Variants in PLA2G4B observed in about 807,000 individuals in gnomAD.
PLA2G4B encodes the protein phospholipase A2 group IVB.
In PLA2G4B, 122 loss-of-function variants were observed where a neutral mutation model predicts 95.8. That is an observed-to-expected ratio of 1.27 (90% CI 1.10 to 1.48). The LOEUF (loss-of-function observed/expected upper bound fraction) is 1.48. Ranked by LOEUF, PLA2G4B falls within the 40% of genes most tolerant of loss-of-function variation. PLA2G4B has a pLI of 0.00. For synonymous variants in PLA2G4B, 518 were observed against 421.5 expected (o/e 1.23, Z -2.80); for missense variants, 1,158 against 996.2 (o/e 1.16, Z -2.19).
At chr15:41,844,802 G>T in intron 12 of PLA2G4B, 46 bp from the exon 13 acceptor site, 2 of 1,562,540 alleles carry the variant, frequency 1.3e-6, no homozygotes, top group Non-Finnish European at 1.7e-6. Context: ...GTCTAGACGG[G>T]GTCCTTCAGT....
chr15:41,839,201 C>T, intron 1 of PLA2G4B: 1 of 343,762 alleles, frequency 2.9e-6, no homozygotes, highest in Non-Finnish European at 5.4e-6. Context: ...AGCTGCCGCC[C>T]TGAGGCCCTG....
rs773108732 is a variant in PLA2G4B, at chr15:41,844,525, C to G, written c.934C>G (p.Leu312Val). Residue 312 changes from leucine to valine, a missense_variant, in exon 12 of 20, where the codon CTG (leucine) becomes GTG (valine). Coordinates refer to ENST00000458483, the MANE Select transcript of PLA2G4B (RefSeq NM_001114633.2). ...TGGGIRAMTSLYGQLAGLKEL... is the reference protein window; with the variant it reads ...TGGGIRAMTSVYGQLAGLKEL... ...TGGTGGGATCCGGGCAATGACTTCC[C>G]TGTATGGGCAGCTGGCTGGCCTGAA... 5.0e-6 allele frequency: 8 copies of G among 1,614,048 alleles called. No homozygotes were observed. The South Asian group carries it at 7.7e-5, about 16-fold the overall frequency.
intron 1 of PLA2G4B, 151 bp from the exon 2 acceptor site, chr15:41,840,007 C>T: frequency 1.2e-6 from 1 of 860,882 alleles, no homozygotes; most frequent in Non-Finnish European, 1.7e-6. Flanking sequence ...GATATCATGT[C>T]TCCTCTTGTT....
In PLA2G4B at chr15:41,840,874, T is replaced by C. The variant is rs1567169071; in HGVS notation, c.320T>C (p.Phe107Ser). 5 of 1,613,754 alleles carry C rather than the reference T, an allele frequency of 3.1e-6. No homozygotes were observed. The highest frequency in any genetic ancestry group is 4.2e-6 in the Non-Finnish European group (5 of 1,179,760). ...FDAGTLRAGE[F>S]RRESFSLSPQ... ...GCGGGGACTCTGCGGGCTGGGGAGTTCCGGCGCGAGAGCTTCTCACTGAGC... is the reference window on the plus strand; with the variant it reads ...GCGGGGACTCTGCGGGCTGGGGAGTCCCGGCGCGAGAGCTTCTCACTGAGC... Residue 107 changes from phenylalanine (F) to serine (S), a missense_variant, in exon 4 of 20, where the codon TTC becomes TCC. Physicochemically the swap from Phe to Ser is radical, Grantham distance 155. Transcript: ENST00000458483.
At position 41,847,444 on chromosome 15, in the gene PLA2G4B, C is replaced by T. The variant is rs883329; in HGVS notation, c.2055C>T (p.Ser685=). The change falls in exon 19 of 20, where the codon TCC becomes TCT. Residue 685 remains serine (S), a synonymous_variant. Transcript: ENST00000458483. The part of the protein sequence containing the change: ...QLQPRECHTF[S]DPTCPGAPAV... ...AGCCTCGGGAGTGCCACACCTTCTC[C>T]GACCCCACCTGCCCCGGAGCCCCTG... The T allele has an allele frequency of 0.16, 253,769 of 1,613,210 alleles. 27,271 individuals are homozygous for T. The highest frequency in any genetic ancestry group is 0.68 in the East Asian group (30,538 of 44,850).
At position 41,840,244 on chromosome 15, in the gene PLA2G4B, G is replaced by C. The variant is rs201446325; in HGVS notation, c.82+14G>C. ...CTAAGGACCTAGGTGAGTGCGCACC[G>C]CCCTGGCCCCTGTGCTGGGCTGAGG... is the stretch of plus-strand genomic sequence containing the variant. On this transcript the variant is annotated intron_variant, in intron 2 of 19. Coordinates refer to ENST00000458483, the MANE Select transcript of PLA2G4B (RefSeq NM_001114633.2). 6.2e-7 allele frequency: 1 copy of C among 1,612,370 alleles called. No individual in the cohort carries two copies. The highest frequency in any genetic ancestry group is 2.2e-5 in the East Asian group (1 of 44,880).
At chr15:41,842,464 CG>C (rs1366301433) in intron 9 of PLA2G4B, 89 bp from the exon 10 acceptor site, 3 of 1,545,712 alleles carry the variant, frequency 1.9e-6, no homozygotes, top group East Asian at 2.4e-5. Context: ...GGTGGCGGGG[CG>C]GGGGTGGTGC....
chr15:41,841,606 C>T (rs1487509451), intron 7 of PLA2G4B, 35 bp downstream of exon 7: 2 of 1,613,694 alleles, frequency 1.2e-6, no homozygotes, highest in Non-Finnish European at 8.5e-7. Flanking sequence ...GCCCCTGGCT[C>T]TCAGCTCTTG....
In PLA2G4B at chr15:41,844,607, G is replaced by A; in HGVS notation, c.1016G>A (p.Trp339Ter). Residue 339 changes from tryptophan to a stop codon, truncating the protein, a stop_gained and splice_region_variant, in exon 12 of 20, where the codon TGG (tryptophan) becomes TAG (stop). Transcript: ENST00000458483. LOFTEE classifies it high-confidence loss of function. Reference sequence around the variant, plus strand: ...ATCACCGGGGCCTCGGGCTCCACCTGGTGAGCTGGGGGCAGGCTGATGCTG... The same window carrying A: ...ATCACCGGGGCCTCGGGCTCCACCTAGTGAGCTGGGGGCAGGCTGATGCTG... ...SYITGASGSTWALANLYEDPE... is the reference protein window; with the variant it reads ...SYITGASGST 8 of 1,614,158 alleles carry A rather than the reference G, an allele frequency of 5.0e-6. No homozygotes were observed. Among genetic ancestry groups the A allele is most frequent in the Non-Finnish European group, 5.9e-6 (7 of 1,180,036 alleles).
intron 14 of PLA2G4B, 118 bp from the exon 15 acceptor site, chr15:41,845,520 G>T: frequency 3.3e-6 from 5 of 1,512,938 alleles, no homozygotes; most frequent in Non-Finnish European, 4.4e-6. Flanking sequence ...CGAAGCCCAG[G>T]CCACAAGGCC....
In PLA2G4B at chr15:41,840,711, C is replaced by T. The variant is rs747048110; in HGVS notation, c.219+51C>T. 31 of 1,605,912 alleles carry T rather than the reference C, an allele frequency of 1.9e-5. No homozygotes were observed. In the East Asian group the frequency reaches 2.5e-4, roughly 13 times the overall value. ...TACCCACATCCTCGCCAGCCACTGC[C>T]GCTGCCCTGCTCACCTTTCTGTCCC... On this transcript the variant is annotated intron_variant, in intron 3 of 19. Transcript: ENST00000458483.
Position 41,838,865 on chromosome 15 carries a change from G to C in PLA2G4B, c.-49G>C, listed in dbSNP as rs1005879544. ...CTGGGTTAGAAAGCTGACAGTCCTT[G>C]ATCCTGTGGCCACTGCCCCATCATT... is the stretch of plus-strand genomic sequence containing the variant. On this transcript the variant is annotated 5_prime_UTR_variant, in exon 1 of 20. Coordinates refer to ENST00000458483, the MANE Select transcript of PLA2G4B (RefSeq NM_001114633.2). 1.9e-6 allele frequency: 3 copies of C among 1,575,164 alleles called. No homozygotes were observed. In the African/African-American group the frequency reaches 4.0e-5, roughly 21 times the overall value.
chr15:41,846,373 A>C lies in PLA2G4B; in HGVS notation c.1771A>C (p.Thr591Pro), dbSNP rs1459493495. ...KDYFQHPHFS[T>P]WKATTLDGLP... is the part of the protein sequence containing the mutation. ...CTACTTTCAGCATCCTCACTTCTCC[A>C]CATGGAAAGGTACCTGCTTCTCTCC... The change falls in exon 17 of 20, where the codon ACA becomes CCA. Residue 591 changes from threonine (T) to proline (P), a missense_variant. Physicochemically the swap from Thr to Pro is conservative, Grantham distance 38. Transcript: ENST00000458483. 1 of 1,604,934 alleles carries C rather than the reference A, an allele frequency of 6.2e-7. No individual in the cohort carries two copies. Among genetic ancestry groups the C allele is most frequent in the African/African-American group, 1.3e-5 (1 of 74,898 alleles).
Position 41,845,040 on chromosome 15 carries a change from C to A in PLA2G4B, c.1209C>A (p.Ala403=), listed in dbSNP as rs1342399341. ...GYPSCFTNLW[A]LINEALLHDE... ...CAAGCTGCTTCACCAACCTGTGGGC[C>A]CTCATCAACGAGGCGCTGCTGCATG... The change falls in exon 13 of 20, where the codon GCC becomes GCA. Residue 403 remains alanine, a synonymous_variant. Coordinates refer to ENST00000458483, the MANE Select transcript of PLA2G4B (RefSeq NM_001114633.2). The A allele has an allele frequency of 2.5e-6, 4 of 1,599,288 alleles. No homozygotes were observed. In the African/African-American group the frequency reaches 5.4e-5, roughly 21 times the overall value.
At position 41,844,546 on chromosome 15, in the gene PLA2G4B, C is replaced by T. The variant is rs761102637; in HGVS notation, c.955C>T (p.Leu319=). 8.1e-6 allele frequency: 13 copies of T among 1,614,092 alleles called. No individual in the cohort carries two copies. Among genetic ancestry groups the T allele is most frequent in the Admixed American group, 5.0e-5 (3 of 60,014 alleles). Reference sequence around the variant, plus strand: ...TTCCCTGTATGGGCAGCTGGCTGGCCTGAAGGAGCTGGGCCTCTTGGATTG... The same window carrying T: ...TTCCCTGTATGGGCAGCTGGCTGGCTTGAAGGAGCTGGGCCTCTTGGATTG... ...MTSLYGQLAG[L]KELGLLDCVS... is the part of the protein sequence containing the mutation. The change falls in exon 12 of 20, where the codon CTG becomes TTG. Residue 319 remains leucine, a synonymous_variant. Transcript: ENST00000458483.
At chr15:41,838,995 T>C (rs1567168009) in intron 1 of PLA2G4B, 73 bp downstream of exon 1, 1 of 1,274,004 alleles carries the variant, frequency 7.8e-7, no homozygotes, top group Non-Finnish European at 1.1e-6. Context: ...AATATGTTTC[T>C]TATGGGAGCT....
intron 14 of PLA2G4B, 146 bp from the exon 15 acceptor site, chr15:41,845,492 G>C: frequency 1.4e-6 from 2 of 1,468,912 alleles, no homozygotes; most frequent in Non-Finnish European, 1.8e-6. Context: ...AGGAGGCAGG[G>C]GCCTTAGGTC....
Position 41,847,489 on chromosome 15 carries a change from G to A in PLA2G4B, c.2100G>A (p.Leu700=), listed in dbSNP as rs754121799. ...CCCCTGCGGTGCTGCACTTTCCTCT[G>A]GTCAGCGACTCCTTCCGGGAGTACT... ...PGAPAVLHFP[L]VSDSFREYSA... The change falls in exon 19 of 20, where the codon CTG becomes CTA. Residue 700 remains leucine (L), a synonymous_variant. Transcript: ENST00000458483. The A allele has an allele frequency of 6.2e-6, 10 of 1,609,950 alleles. No individual in the cohort carries two copies. The South Asian group carries it at 9.9e-5, about 16-fold the overall frequency.
chr15:41,847,441 C>T lies in PLA2G4B; in HGVS notation c.2052C>T (p.Phe684=). Residue 684 remains phenylalanine, a synonymous_variant, in exon 19 of 20, where the codon TTC becomes TTT. Transcript: ENST00000458483. ...TCCAGCCTCGGGAGTGCCACACCTT[C>T]TCCGACCCCACCTGCCCCGGAGCCC... ...EQLQPRECHT[F]SDPTCPGAPA... 1 of 1,613,536 alleles carries T rather than the reference C, an allele frequency of 6.2e-7. No homozygotes were observed.
Sources: gnomAD v4.1 joint callset for allele counts on GRCh38, gnomAD v4.1.1 for gene constraint, MANE v1.5 for transcripts, NCBI Gene and HGNC (gene_info 2026-07-23, HGNC 2026-07-21) for gene names.